CDH18: variants seen among roughly 807,000 people sequenced by gnomAD.
CDH18 encodes the protein cadherin 18, also known as cadherin-18.
Under a neutral mutation model 67.9 loss-of-function variants are expected in CDH18, and 31 were observed. The observed-to-expected ratio is 0.46, with a 90% confidence interval of 0.34 to 0.62. The LOEUF (loss-of-function observed/expected upper bound fraction) is 0.62. Among genes scored for constraint, CDH18 ranks in the 20% least tolerant of loss-of-function variants. The pLI is 0.01. For synonymous variants in CDH18, 362 were observed against 347.2 expected (o/e 1.04, Z -0.48); for missense variants, 890 against 975.5 (o/e 0.91, Z 1.17).
chr5:20,249,307 A>C (rs894214649), intron 2 of CDH18, among the ~76,000 whole-genome samples: 5 of 151,998 alleles, frequency 3.3e-5, no homozygotes, highest in African/African-American at 9.7e-5. Flanking sequence ...TAAATAAATA[A>C]ATTTTTTTAT....
At chr5:20,553,535 C>T (rs189309514) in intron 1 of CDH18, among the ~76,000 whole-genome samples, 2 of 152,202 alleles carry the variant, frequency 1.3e-5, no homozygotes, top group Admixed American at 1.3e-4. Context: ...GAAAACTCCC[C>T]ATATTACAGA....
chr5:20,538,909 G>GTTTTTTTTTTTTTT (rs35247774), intron 1 of CDH18, among the ~76,000 whole-genome samples: 11 of 118,748 alleles, frequency 9.3e-5, no homozygotes, highest in African/African-American at 3.7e-4. Context: ...TTTTTTTTTT[G>GTTTTTTTTTTTTTT]TTTTTTTTTT....
chr5:20,568,506 A>G (rs1020073589), intron 1 of CDH18, among the ~76,000 whole-genome samples: 1 of 152,192 alleles, frequency 6.6e-6, no homozygotes, highest in African/African-American at 2.4e-5. Flanking sequence ...GGTAGAAATG[A>G]TACCCTAAGA....
chr5:20,343,412 C>T (rs1740431259), intron 1 of CDH18, among the ~76,000 whole-genome samples: 1 of 152,098 alleles, frequency 6.6e-6, no homozygotes, highest in Non-Finnish European at 1.5e-5. Flanking sequence ...ACACAGAATC[C>T]CTTGAATGAA....
chr5:19,857,467 A>T (rs190253584), intron 2 of CDH18, among the ~76,000 whole-genome samples: 20 of 152,198 alleles, frequency 1.3e-4, no homozygotes, highest in Admixed American at 1.3e-4. Context: ...CATTTAAAAA[A>T]TAATGCCTTT....
At chr5:20,145,293 T>C (rs1750556684) in intron 2 of CDH18, among the ~76,000 whole-genome samples, 1 of 152,224 alleles carries the variant, frequency 6.6e-6, no homozygotes, top group African/African-American at 2.4e-5. Context: ...ATAAAGTTTT[T>C]CTTAATGTGT....
chr5:20,562,948 A>C (rs540620035), intron 1 of CDH18, among the ~76,000 whole-genome samples: 55 of 151,304 alleles, frequency 3.6e-4, no homozygotes, highest in African/African-American at 1.3e-3. Context: ...CTCCTACTTA[A>C]TGTCAATTCT....
chr5:19,583,623 A>G (rs1372091475), intron 7 of CDH18, among the ~76,000 whole-genome samples: 1 of 152,178 alleles, frequency 6.6e-6, no homozygotes, highest in African/African-American at 2.4e-5. Flanking sequence ...AAATAGGAAG[A>G]AAAGAAGGCA....
chr5:20,251,708 T>C (rs1743872365), intron 2 of CDH18, among the ~76,000 whole-genome samples: 1 of 152,144 alleles, frequency 6.6e-6, no homozygotes. Context: ...ATTGAATGGA[T>C]TGTAATTTGG....
At chr5:19,552,986 G>T (rs1737731562) in intron 8 of CDH18, among the ~76,000 whole-genome samples, 1 of 152,106 alleles carries the variant, frequency 6.6e-6, no homozygotes, top group African/African-American at 2.4e-5. Flanking sequence ...TTATATTGAA[G>T]TGAGATGAAA....
chr5:20,336,166 C>A (rs905744921), intron 1 of CDH18, among the ~76,000 whole-genome samples: 1 of 152,014 alleles, frequency 6.6e-6, no homozygotes, highest in Non-Finnish European at 1.5e-5. Context: ...ACTAGACTGC[C>A]CTCTGGTGGA....
chr5:20,377,207 C>A (rs1287550974), intron 1 of CDH18, among the ~76,000 whole-genome samples: 1 of 152,086 alleles, frequency 6.6e-6, no homozygotes, highest in African/African-American at 2.4e-5. Context: ...TACTGAATAA[C>A]AATAACTCAG....
At chr5:20,429,230 CTT>C (rs1383641181) in intron 1 of CDH18, among the ~76,000 whole-genome samples, 2 of 152,044 alleles carry the variant, frequency 1.3e-5, no homozygotes, top group East Asian at 3.9e-4. Context: ...CTTCACAACA[CTT>C]TTCTTACCAC....
At chr5:20,054,590 A>G (rs570086212) in intron 2 of CDH18, among the ~76,000 whole-genome samples, 44 of 152,230 alleles carry the variant, frequency 2.9e-4, no homozygotes, top group Non-Finnish European at 5.9e-4. Context: ...CATCTCCCTT[A>G]TAGTTTCTGC....
At chr5:20,021,991 A>T (rs901507315) in intron 2 of CDH18, among the ~76,000 whole-genome samples, 2 of 152,224 alleles carry the variant, frequency 1.3e-5, no homozygotes, top group Non-Finnish European at 2.9e-5. Context: ...CACCTTAGAA[A>T]AACTACAACG....
At chr5:19,805,863 C>T (rs1348000337) in intron 3 of CDH18, among the ~76,000 whole-genome samples, 1 of 152,240 alleles carries the variant, frequency 6.6e-6, no homozygotes, top group Non-Finnish European at 1.5e-5. Context: ...TGATGCCAAG[C>T]TTGTTCTAAA....
intron 9 of CDH18, among the ~76,000 whole-genome samples, chr5:19,539,357 T>C (rs1354961734): frequency 6.6e-6 from 1 of 152,170 alleles, no homozygotes; most frequent in African/African-American, 2.4e-5. Flanking sequence ...CAAGTAAATA[T>C]ATAATTAGGA....
At chr5:20,462,828 A>T (rs1169391268) in intron 1 of CDH18, among the ~76,000 whole-genome samples, 1 of 152,162 alleles carries the variant, frequency 6.6e-6, no homozygotes, top group Non-Finnish European at 1.5e-5. Flanking sequence ...TGTGTAGAAA[A>T]GATTTGAACT....
intron 3 of CDH18, among the ~76,000 whole-genome samples, chr5:19,765,779 A>G (rs558480717): frequency 1.3e-5 from 2 of 152,314 alleles, no homozygotes; most frequent in East Asian, 3.9e-4. Flanking sequence ...TTGAGCCCAT[A>G]TAACTCTCCA....
Sources: gnomAD v4.1 joint callset for allele counts (sites outside exome capture counted in the v4.1 genomes callset) on GRCh38, gnomAD v4.1.1 for gene constraint, MANE v1.5 for transcripts, NCBI Gene and HGNC (gene_info 2026-07-23, HGNC 2026-07-21) for gene names.